The following FRMD6 variants were observed in gnomAD, a reference collection of about 807,000 sequenced individuals.
FRMD6 encodes FERM domain containing 6.
A neutral mutation model predicts 73.2 loss-of-function variants in FRMD6; 37 were observed. That is an observed-to-expected ratio of 0.51 (90% confidence interval 0.39 to 0.66). The LOEUF is 0.66. Among genes scored for constraint, FRMD6 ranks in the 30% least tolerant of loss-of-function variants. The pLI, the probability that FRMD6 is intolerant of heterozygous loss-of-function variation, is 0.00. For missense variants in FRMD6, 714 were observed against 780.5 expected (o/e 0.91, Z 1.02); for synonymous variants, 273 against 282.2 (o/e 0.97, Z 0.33).
chr14:51,492,762 A>T (rs1375343625), intron 1 of FRMD6, among the ~76,000 whole-genome samples: 1 of 152,248 alleles, frequency 6.6e-6, no homozygotes, highest in Non-Finnish European at 1.5e-5. Flanking sequence ...GTGATACACC[A>T]TTTAATCATG....
chr14:51,643,217 G>A (rs999945633), intron 2 of FRMD6, among the ~76,000 whole-genome samples: 1 of 143,698 alleles, frequency 7.0e-6, no homozygotes, highest in Non-Finnish European at 1.6e-5. Context: ...AAACGTCACA[G>A]ATCAGTGACC....
chr14:51,537,536 G>A (rs1029080624), intron 1 of FRMD6, among the ~76,000 whole-genome samples: 11 of 152,130 alleles, frequency 7.2e-5, no homozygotes, highest in African/African-American at 2.7e-4. Flanking sequence ...TGTGATTTCT[G>A]GATCATATGA....
intron 2 of FRMD6, among the ~76,000 whole-genome samples, chr14:51,694,824 A>G (rs925458789): frequency 1.3e-5 from 2 of 152,240 alleles, no homozygotes; most frequent in Non-Finnish European, 2.9e-5. Flanking sequence ...GAAATTTTAC[A>G]GTCAGCTAAA....
chr14:51,490,261 G>T (rs1191776149), intron 1 of FRMD6, among the ~76,000 whole-genome samples: 2 of 152,192 alleles, frequency 1.3e-5, no homozygotes, highest in African/African-American at 4.8e-5. Context: ...TCAGTAACTA[G>T]GCAATCAGTT....
At chr14:51,556,081 T>C (rs1473870550) in intron 1 of FRMD6, among the ~76,000 whole-genome samples, 1 of 152,216 alleles carries the variant, frequency 6.6e-6, no homozygotes, top group Non-Finnish European at 1.5e-5. Context: ...GTGTTTCCCA[T>C]GCAACTGCCA....
At chr14:51,675,750 C>T (rs751030240) in intron 1 of FRMD6, among the ~76,000 whole-genome samples, 3 of 151,778 alleles carry the variant, frequency 2.0e-5, no homozygotes, top group African/African-American at 7.3e-5. Flanking sequence ...GGCCTTGGAG[C>T]CTCACTTTGC....
chr14:51,689,909 G>A lies in FRMD6; in HGVS notation c.73G>A (p.Asp25Asn), dbSNP rs368913952. ...RRSVCIFLPN[D>N]ESLNIIINVK... ...CAGTGTGTGCATTTTCCTTCCCAAC[G>A]ATGAATCTCTGAACATCATCATAAA... The change falls in exon 2 of 14, where the codon GAT (aspartate) becomes AAT (asparagine). Residue 25 changes from aspartate (D) to asparagine (N), a missense_variant. By Grantham distance (23) the Asp-to-Asn change is conservative (BLOSUM62 1). Transcript: ENST00000344768. 2.9e-5 allele frequency: 47 copies of A among 1,610,094 alleles called. No individual in the cohort carries two copies. The South Asian group carries it at 4.1e-4, about 14-fold the overall frequency.
chr14:51,571,543 G>C (rs1434033351), intron 2 of FRMD6, among the ~76,000 whole-genome samples: 1 of 152,084 alleles, frequency 6.6e-6, no homozygotes, highest in East Asian at 1.9e-4. Flanking sequence ...TTAATTATCT[G>C]CTAAACTTAA....
chr14:51,576,248 T>A (rs544029309), intron 2 of FRMD6: 1 of 152,340 alleles, frequency 6.6e-6, no homozygotes, highest in Admixed American at 6.5e-5. Flanking sequence ...TGCTTCTGGG[T>A]TTCTCCACAT....
intron 1 of FRMD6, among the ~76,000 whole-genome samples, chr14:51,550,705 A>G (rs1886775638): frequency 6.6e-6 from 1 of 152,150 alleles, no homozygotes; most frequent in African/African-American, 2.4e-5. Context: ...CCTTGATTTG[A>G]ACTGTAACTC....
At chr14:51,567,043 G>A (rs1887811630) in intron 1 of FRMD6, among the ~76,000 whole-genome samples, 1 of 152,220 alleles carries the variant, frequency 6.6e-6, no homozygotes, top group Non-Finnish European at 1.5e-5. Context: ...AGAAGCAACA[G>A]GAAGTGGTAT....
chr14:51,670,129 T>G (rs769337430), intron 1 of FRMD6, among the ~76,000 whole-genome samples: 4 of 152,156 alleles, frequency 2.6e-5, no homozygotes, highest in African/African-American at 9.7e-5. Context: ...AAGACTAGAG[T>G]GCAGTGCATG....
chr14:51,538,969 T>A (rs1886055816), intron 1 of FRMD6, among the ~76,000 whole-genome samples: 1 of 152,148 alleles, frequency 6.6e-6, no homozygotes, highest in South Asian at 2.1e-4. Context: ...CGTTCTTGGA[T>A]GGTTCATTGC....
chr14:51,661,936 G>T (rs1055921049), intron 1 of FRMD6, among the ~76,000 whole-genome samples: 1 of 152,306 alleles, frequency 6.6e-6, no homozygotes, highest in African/African-American at 2.4e-5. Context: ...GTTGGAGGCC[G>T]TGCATATCTT....
At chr14:51,637,436 T>G (rs1341800365) in intron 2 of FRMD6, 1 of 150,908 alleles carries the variant, frequency 6.6e-6, no homozygotes, top group Non-Finnish European at 1.5e-5. Context: ...CATTCTTTTA[T>G]TTTAGGATCA....
the FRMD6 span, among the ~76,000 whole-genome samples, chr14:51,453,783 C>T: frequency 1.3e-5 from 2 of 152,248 alleles, no homozygotes; most frequent in Admixed American, 6.5e-5. Flanking sequence ...AAAAGTATTG[C>T]TTTTAGACAC....
chr14:51,603,329 A>C (rs2139817715), intron 2 of FRMD6, among the ~76,000 whole-genome samples: 2 of 152,386 alleles, frequency 1.3e-5, no homozygotes, highest in South Asian at 4.1e-4. Flanking sequence ...TTCCAGTTTT[A>C]ACTCTTTATA....
Position 51,715,372 on chromosome 14 carries a change from G to A in FRMD6, c.897G>A (p.Lys299=), listed in dbSNP as rs1302783832. 5 of 1,607,782 alleles carry A rather than the reference G, an allele frequency of 3.1e-6. No homozygotes were observed. The Admixed American group carries it at 5.1e-5, about 16-fold the overall frequency. ...CAGATGGCTTGCCTTCTGCCCGGAA[G>A]CTCATATACTACACGGGGTGCCCCA... ...ILPDGLPSAR[K]LIYYTGCPMR... is the part of the protein sequence containing the mutation. The change falls in exon 10 of 14, where the codon AAG becomes AAA. Residue 299 remains lysine, a synonymous_variant. Transcript: ENST00000344768.
chr14:51,449,219 G>A, the FRMD6 span, among the ~76,000 whole-genome samples: 1 of 152,152 alleles, frequency 6.6e-6, no homozygotes, highest in Non-Finnish European at 1.5e-5. Flanking sequence ...AGTGTTTTTG[G>A]CAAGAGGGAA....
Sources: gnomAD v4.1 joint callset for allele counts (sites outside exome capture counted in the v4.1 genomes callset) on GRCh38, gnomAD v4.1.1 for gene constraint, MANE v1.5 for transcripts, NCBI Gene and HGNC (gene_info 2026-07-23, HGNC 2026-07-21) for gene names.